Variants in HECTD2 observed in about 807,000 individuals in gnomAD.
HECTD2 encodes HECT domain E3 ubiquitin protein ligase 2.
HECTD2 carries 35 observed loss-of-function variants against 103.2 expected under a neutral mutation model. The ratio of observed to expected loss-of-function variants is 0.34; its 90% CI spans 0.26 to 0.45. The LOEUF (loss-of-function observed/expected upper bound fraction) is 0.45. Ranked by LOEUF, HECTD2 falls within the 20% of genes least tolerant of loss-of-function variation. The pLI is 1.00. For synonymous variants in HECTD2, 281 were observed against 329.9 expected (o/e 0.85, Z 1.61); for missense variants, 596 against 937.4 (o/e 0.64, Z 4.76).
chr10:91,474,784 A>G (rs996888290), intron 5 of HECTD2, among the ~76,000 whole-genome samples: 3 of 152,238 alleles, frequency 2.0e-5, no homozygotes, highest in Non-Finnish European at 2.9e-5. Flanking sequence ...TCAGATACTG[A>G]TAAGTGCTTC....
chr10:91,499,854 A>C lies in HECTD2; in HGVS notation c.1951-648A>C, dbSNP rs553820923. ...TAGAAGTTGCTTTGGGGCAAAACCA[A>C]GTGGCTTACATTATTGCCAGCTTGT... On this transcript the variant is annotated intron_variant, in intron 18 of 20. Coordinates refer to ENST00000298068, the MANE Select transcript of HECTD2 (RefSeq NM_182765.6). Among the ~76,000 whole-genome samples the C allele has an allele frequency of 3.9e-5, 6 of 152,296 alleles. No individual in the cohort carries two copies. In the South Asian group the frequency reaches 1.2e-3, roughly 32 times the overall value.
chr10:91,429,918 T>C (rs1324850364), intron 2 of HECTD2, among the ~76,000 whole-genome samples: 3 of 152,210 alleles, frequency 2.0e-5, no homozygotes, highest in Non-Finnish European at 4.4e-5. Flanking sequence ...TGCCTTCTGC[T>C]AGCTTTTGAA....
chr10:91,445,852 C>A (rs1373435679), intron 2 of HECTD2, among the ~76,000 whole-genome samples: 2 of 152,084 alleles, frequency 1.3e-5, no homozygotes, highest in African/African-American at 2.4e-5. Context: ...TGCACTCCGG[C>A]CCAGATACTA....
At chr10:91,454,275 C>A (rs1004941968) in intron 2 of HECTD2, among the ~76,000 whole-genome samples, 1 of 151,986 alleles carries the variant, frequency 6.6e-6, no homozygotes, top group Non-Finnish European at 1.5e-5. Context: ...ATATTCTGGG[C>A]CATAAAACAA....
chr10:91,444,666 G>C (rs1368379836), intron 2 of HECTD2, among the ~76,000 whole-genome samples: 1 of 152,144 alleles, frequency 6.6e-6, no homozygotes, highest in Non-Finnish European at 1.5e-5. Context: ...CTTTCTGCCT[G>C]TTCTCACAGA....
At position 91,483,089 on chromosome 10, in the gene HECTD2, A is replaced by G; in HGVS notation, c.821+13A>G. 2.4e-6 allele frequency: 3 copies of G among 1,224,798 alleles called. No individual in the cohort carries two copies. The highest frequency in any genetic ancestry group is 3.6e-6 in the Non-Finnish European group (3 of 840,206). The allele number at this position is 1,224,798 out of a possible 1,614,324, so 75.9% of individuals were successfully genotyped here. ...ACTGGTTTAAAAAGTAAATCATTCT[A>G]TGATATTAAGAACTTTTATAGTCTC... On this transcript the variant is annotated intron_variant, in intron 8 of 20. Coordinates refer to ENST00000298068, the MANE Select transcript of HECTD2 (RefSeq NM_182765.6).
chr10:91,499,273 A>G (rs1034436965), intron 18 of HECTD2, 123 bp downstream of exon 18: 2 of 608,544 alleles, frequency 3.3e-6, no homozygotes, highest in African/African-American at 3.8e-5. Context: ...TACTTTTTAA[A>G]AGTAGAACTA....
intron 1 of HECTD2, among the ~76,000 whole-genome samples, chr10:91,420,836 A>G (rs1843330530): frequency 1.3e-5 from 2 of 152,182 alleles, no homozygotes; most frequent in Admixed American, 1.3e-4. Context: ...AAGCCAGCTA[A>G]TACATGGCTA....
At chr10:91,489,761 G>C (rs1215029110) in intron 11 of HECTD2, 5 of 152,142 alleles carry the variant, frequency 3.3e-5, no homozygotes, top group African/African-American at 1.2e-4. Context: ...TTGTATATAG[G>C]AGAAATGGAG....
chr10:91,477,122 A>G (rs1306612066), intron 5 of HECTD2, among the ~76,000 whole-genome samples: 1 of 148,834 alleles, frequency 6.7e-6, no homozygotes, highest in Admixed American at 6.7e-5. Flanking sequence ...CGGAGCTTGC[A>G]GTGAGCCGAG....
At chr10:91,414,061 T>A (rs1843025045) in intron 1 of HECTD2, among the ~76,000 whole-genome samples, 1 of 152,056 alleles carries the variant, frequency 6.6e-6, no homozygotes, top group Non-Finnish European at 1.5e-5. Flanking sequence ...AAGAAGAAAA[T>A]GCTTAGAGGT....
intron 1 of HECTD2, among the ~76,000 whole-genome samples, chr10:91,412,197 G>A (rs1842938668): frequency 6.6e-6 from 1 of 152,172 alleles, no homozygotes; most frequent in Admixed American, 6.5e-5. Flanking sequence ...GAAATTATGT[G>A]TTCATGCTAA....
intron 5 of HECTD2, chr10:91,463,375 G>A (rs1845423304): frequency 6.6e-6 from 1 of 152,248 alleles, no homozygotes; most frequent in African/African-American, 2.4e-5. Flanking sequence ...AGGAAGAGGA[G>A]GGGTTGGTCT....
intron 1 of HECTD2, among the ~76,000 whole-genome samples, chr10:91,415,148 G>C (rs1253671801): frequency 1.3e-5 from 2 of 151,784 alleles, no homozygotes; most frequent in Non-Finnish European, 2.9e-5. Context: ...AAAGGAAAAG[G>C]ACTCAGGTTT....
chr10:91,429,994 C>A (rs1341905240), intron 2 of HECTD2, among the ~76,000 whole-genome samples: 1 of 151,966 alleles, frequency 6.6e-6, no homozygotes. Context: ...TGGATCTTTC[C>A]TGCTTTCTCT....
intron 10 of HECTD2, chr10:91,485,684 G>A (rs1041824236): frequency 6.2e-6 from 1 of 162,454 alleles, no homozygotes; most frequent in Non-Finnish European, 1.3e-5. Flanking sequence ...TAGCACAAAA[G>A]TAGCCTTAGA....
chr10:91,493,499 G>A lies in HECTD2; in HGVS notation c.1512G>A (p.Leu504=). ...GTGATAACTATTCTGAATTCCGATT[G>A]GTTGGAATTGTATCCTTTAAACTTT... ...FKCDNYSEFR[L]VGILMGLAVY... The change falls in exon 14 of 21, where the codon TTG becomes TTA. Residue 504 remains leucine (L), a synonymous_variant. Coordinates refer to ENST00000298068, the MANE Select transcript of HECTD2 (RefSeq NM_182765.6). 1.3e-6 allele frequency: 2 copies of A among 1,521,294 alleles called. No individual in the cohort carries two copies. The highest frequency in any genetic ancestry group is 2.0e-5 in the Admixed American group (1 of 50,650). The allele number at this position is 1,521,294 out of a possible 1,614,324, so 94.2% of individuals were successfully genotyped here. A position where few individuals can be genotyped will look rare whatever the true frequency, so the allele number is the denominator to read the frequency against.
Position 91,512,655 on chromosome 10 carries a change from A to C in HECTD2, c.*271A>C, listed in dbSNP as rs1310298076. The C allele has an allele frequency of 6.2e-6, 2 of 324,262 alleles. No homozygotes were observed. The highest frequency in any genetic ancestry group is 4.3e-5 in the Admixed American group (1 of 23,458). 20.1% of individuals were successfully genotyped at this position (324,262 alleles called of 1,614,324 possible). A position where few individuals can be genotyped will look rare whatever the true frequency, so the allele number is the denominator to read the frequency against. ...TTTATATAGCACTTTATCATTCTCC[A>C]CAAGTAGTTTGTCACAGGCATTCCA... On this transcript the variant is annotated 3_prime_UTR_variant, in exon 21 of 21. Coordinates refer to ENST00000298068, the MANE Select transcript of HECTD2 (RefSeq NM_182765.6).
chr10:91,416,267 G>A (rs1420254924), intron 1 of HECTD2, among the ~76,000 whole-genome samples: 1 of 152,088 alleles, frequency 6.6e-6, no homozygotes, highest in Non-Finnish European at 1.5e-5. Flanking sequence ...TACTGCATAA[G>A]GTAGAAATGA....
Sources: allele counts gnomAD v4.1 joint callset (sites outside exome capture counted in the v4.1 genomes callset), GRCh38; gene constraint gnomAD v4.1.1; transcripts MANE v1.5; gene names NCBI Gene and HGNC (gene_info 2026-07-23, HGNC 2026-07-21).